DLGAP2: variants seen among roughly 807,000 people sequenced by gnomAD.
DLGAP2 encodes the protein DLG associated protein 2.
In DLGAP2, 26 loss-of-function variants were observed where a neutral mutation model predicts 100.3. The observed-to-expected ratio is 0.26, with a 90% CI of 0.19 to 0.36. The LOEUF is 0.36. DLGAP2 is among the 10% of genes least tolerant of loss of function. DLGAP2 has a pLI of 1.00. For missense variants in DLGAP2, 1,858 were observed against 1,453.2 expected, an observed-to-expected ratio of 1.28 and a Z score of -4.53; for synonymous variants, 886 against 630.1, an observed-to-expected ratio of 1.41 and a Z score of -6.08.
At chr8:1,619,425 C>G (rs1379300503) in intron 6 of DLGAP2, among the ~76,000 whole-genome samples, 2 of 152,216 alleles carry the variant, frequency 1.3e-5, no homozygotes, top group African/African-American at 2.4e-5. Flanking sequence ...TCAATTTTCT[C>G]TCAATTAATA....
intron 3 of DLGAP2, among the ~76,000 whole-genome samples, chr8:1,391,690 G>A (rs1020171707): frequency 6.6e-6 from 1 of 152,226 alleles, no homozygotes; most frequent in East Asian, 1.9e-4. Context: ...GCCTGGCGAT[G>A]TGTTTTCTGT....
At chr8:1,471,429 A>G (rs558400139) in intron 3 of DLGAP2, among the ~76,000 whole-genome samples, 51 of 150,224 alleles carry the variant, frequency 3.4e-4, no homozygotes, top group Middle Eastern at 3.4e-3. Context: ...CTCCCAAACA[A>G]GGCTTCCATC....
In DLGAP2 at chr8:1,240,582, C is replaced by G. The variant is rs558385664; in HGVS notation, c.74-18269C>G. 6.0e-5 allele frequency among the ~76,000 whole-genome samples: 9 copies of G among 150,328 alleles called. No homozygotes were observed. The South Asian group carries it at 8.5e-4, about 14-fold the overall frequency. On this transcript the variant is annotated intron_variant, in intron 2 of 14. Transcript: ENST00000637795. The stretch of plus-strand genomic sequence containing the variant: ...CTAGTTCTCTTACATGGCGCCGTGT[C>G]TAGTTCTCTCACATGGTGCCGTGTC...
intron 2 of DLGAP2, among the ~76,000 whole-genome samples, chr8:984,908 T>TG (rs1485119597): frequency 5.9e-5 from 9 of 152,190 alleles, no homozygotes; most frequent in African/African-American, 2.2e-4. Context: ...ATCATCATAA[T>TG]GGGAACGATA....
intron 2 of DLGAP2, among the ~76,000 whole-genome samples, chr8:1,042,980 T>C (rs2129030969): frequency 8.2e-6 from 1 of 122,216 alleles, no homozygotes; most frequent in Non-Finnish European, 1.7e-5. Context: ...GGGTGGTGGA[T>C]GTGGGTGATG....
chr8:1,065,530 A>G (rs1055942935), intron 2 of DLGAP2, among the ~76,000 whole-genome samples: 4 of 152,204 alleles, frequency 2.6e-5, no homozygotes, highest in Non-Finnish European at 5.9e-5. Flanking sequence ...TGGGGAGTAC[A>G]ACATCCTCTA....
chr8:1,550,309 T>C (rs999970289), intron 5 of DLGAP2, among the ~76,000 whole-genome samples: 28 of 152,220 alleles, frequency 1.8e-4, no homozygotes, highest in African/African-American at 6.3e-4. Flanking sequence ...TGCGCGGGGC[T>C]GCAGGGATGG....
At chr8:1,631,023 C>T (rs958913373) in intron 7 of DLGAP2, among the ~76,000 whole-genome samples, 3 of 150,948 alleles carry the variant, frequency 2.0e-5, no homozygotes, top group Admixed American at 1.3e-4. Flanking sequence ...CCGGGTGTCC[C>T]GAGGGTCTGG....
intron 4 of DLGAP2, among the ~76,000 whole-genome samples, chr8:1,518,490 T>C (rs1474329082): frequency 1.3e-5 from 2 of 152,206 alleles, no homozygotes; most frequent in Non-Finnish European, 2.9e-5. Context: ...GACATTTATA[T>C]AACGTTTGAG....
intron 2 of DLGAP2, among the ~76,000 whole-genome samples, chr8:1,205,162 T>G (rs1221755191): frequency 2.6e-5 from 4 of 152,172 alleles, no homozygotes; most frequent in Non-Finnish European, 4.4e-5. Context: ...GTCCATCGCG[T>G]TTTTTCCTCT....
At chr8:978,833 G>T (rs1415370979) in intron 2 of DLGAP2, among the ~76,000 whole-genome samples, 4 of 152,264 alleles carry the variant, frequency 2.6e-5, no homozygotes, top group African/African-American at 9.6e-5. Flanking sequence ...ACAAAACCAG[G>T]TTTCTTTACA....
At chr8:1,214,449 T>A (rs1798171001) in intron 2 of DLGAP2, among the ~76,000 whole-genome samples, 2 of 152,192 alleles carry the variant, frequency 1.3e-5, no homozygotes, top group Non-Finnish European at 2.9e-5. Flanking sequence ...TTGGTGGTTT[T>A]AAATATCAGC....
chr8:1,167,719 A>G (rs985225242), intron 2 of DLGAP2, among the ~76,000 whole-genome samples: 2 of 152,138 alleles, frequency 1.3e-5, no homozygotes, highest in Non-Finnish European at 2.9e-5. Context: ...TTCTTAGGAC[A>G]TTGTTGGGCA....
intron 4 of DLGAP2, among the ~76,000 whole-genome samples, chr8:1,533,342 C>T (rs1012682514): frequency 2.0e-5 from 3 of 151,468 alleles, no homozygotes; most frequent in East Asian, 1.9e-4. Flanking sequence ...ACTAAAAATA[C>T]AAACAAAAAA....
At chr8:1,532,692 T>G (rs1032438528) in intron 4 of DLGAP2, among the ~76,000 whole-genome samples, 2 of 152,266 alleles carry the variant, frequency 1.3e-5, no homozygotes, top group Admixed American at 6.5e-5. Context: ...ACTTTTAATT[T>G]AATTTACAAT....
chr8:1,047,478 A>G (rs1173607200), intron 2 of DLGAP2, among the ~76,000 whole-genome samples: 1 of 152,212 alleles, frequency 6.6e-6, no homozygotes, highest in Non-Finnish European at 1.5e-5. Context: ...GCAAAATAAT[A>G]TACTTTTCCC....
intron 2 of DLGAP2, among the ~76,000 whole-genome samples, chr8:1,031,601 A>C (rs911988010): frequency 6.6e-6 from 1 of 151,970 alleles, no homozygotes; most frequent in Non-Finnish European, 1.5e-5. Flanking sequence ...TGTAGAGACG[A>C]GGTCTCATCA....
intron 3 of DLGAP2, among the ~76,000 whole-genome samples, chr8:1,463,271 A>G (rs7003228): frequency 0.49 from 74,974 of 152,104 alleles, 18,994 homozygotes; most frequent in East Asian, 0.84. Context: ...GAAAAAGATC[A>G]GGGAAGGTGC....
At chr8:1,681,044 G>A (rs893653240) in intron 12 of DLGAP2, among the ~76,000 whole-genome samples, 1 of 151,872 alleles carries the variant, frequency 6.6e-6, no homozygotes. Flanking sequence ...GAGGAGAGAG[G>A]AAAAAATTTA....
Sources: gnomAD v4.1 joint callset for allele counts (sites outside exome capture counted in the v4.1 genomes callset) on GRCh38, gnomAD v4.1.1 for gene constraint, MANE v1.5 for transcripts, NCBI Gene and HGNC (gene_info 2026-07-23, HGNC 2026-07-21) for gene names.